Variants in USP8 observed in about 807,000 individuals in gnomAD.
USP8 encodes ubiquitin carboxyl-terminal hydrolase 8.
Under a neutral mutation model 130.0 loss-of-function variants are expected in USP8, and 27 were observed. The ratio of observed to expected loss-of-function variants is 0.21; its 90% confidence interval spans 0.15 to 0.29. The LOEUF (loss-of-function observed/expected upper bound fraction) is 0.29, where lower values mean the gene tolerates loss of function less well. USP8 is among the 10% of genes least tolerant of loss of function. The pLI is 1.00. For missense variants in USP8, 1,029 were observed against 1,312.2 expected, an observed-to-expected ratio of 0.78 and a Z score of 3.33; for synonymous variants, 392 against 444.1, an observed-to-expected ratio of 0.88 and a Z score of 1.48.
Position 50,503,898 on chromosome 15 carries a change from C to T in USP8, c.*4810C>T, listed in dbSNP as rs1445505819. The T allele has an allele frequency of 6.6e-6, 1 of 151,888 alleles. No individual in the cohort carries two copies. Among genetic ancestry groups the T allele is most frequent in the Non-Finnish European group, 1.5e-5 (1 of 67,974 alleles). The allele number at this position is 151,888 out of a possible 1,614,324, so 9.4% of individuals were successfully genotyped here. A position where few individuals can be genotyped will look rare whatever the true frequency, so the allele number is the denominator to read the frequency against. On this transcript the variant is annotated 3_prime_UTR_variant, in exon 20 of 20. Coordinates refer to ENST00000307179, the MANE Select transcript of USP8 (RefSeq NM_005154.5). ...TCAGAAGGCAATAAGATTTAAACCC[C>T]CAAGGACTTTAGATAATAGAATTAT...
intron 3 of USP8, among the ~76,000 whole-genome samples, chr15:50,447,076 G>T (rs1168354850): frequency 1.3e-5 from 2 of 152,156 alleles, no homozygotes; most frequent in Admixed American, 1.3e-4. Flanking sequence ...AGATTATTGA[G>T]CACTGGTATA....
chr15:50,438,906 C>G, intron 1 of USP8, 103 bp from the exon 2 acceptor site: 1 of 494,666 alleles, frequency 2.0e-6, no homozygotes, highest in South Asian at 3.0e-5. Flanking sequence ...TTAAAATTAA[C>G]CCTGTTAGCA....
At chr15:50,493,975 G>A in intron 15 of USP8, 95 bp from the exon 16 acceptor site, 1 of 1,343,476 alleles carries the variant, frequency 7.4e-7, no homozygotes, top group Non-Finnish European at 1.1e-6. Context: ...GCTACAGTAT[G>A]TGAATAATTT....
intron 3 of USP8, among the ~76,000 whole-genome samples, chr15:50,448,237 T>C (rs771349781): frequency 6.9e-4 from 105 of 152,314 alleles, no homozygotes; most frequent in Non-Finnish European, 1.3e-3. Context: ...TTATGATTAT[T>C]ATAATTTGTA....
At chr15:50,497,340 C>A in intron 18 of USP8, 109 bp downstream of exon 18, 2 of 1,341,182 alleles carry the variant, frequency 1.5e-6, no homozygotes, top group South Asian at 1.7e-5. Flanking sequence ...TAACAAAGGG[C>A]GATTATCTGG....
At chr15:50,454,144 G>A (rs937208092) in intron 4 of USP8, among the ~76,000 whole-genome samples, 1 of 152,080 alleles carries the variant, frequency 6.6e-6, no homozygotes, top group Admixed American at 6.6e-5. Context: ...GATCACAGGC[G>A]TGAGCTACCA....
chr15:50,497,246 T>C lies in USP8; in HGVS notation c.3038+15T>C, dbSNP rs1489228482. 6.3e-7 allele frequency: 1 copy of C among 1,593,584 alleles called. No individual in the cohort carries two copies. Among genetic ancestry groups the C allele is most frequent in the Admixed American group, 1.8e-5 (1 of 54,210 alleles). ...CATCTGAAACGGTAAAGGGGAAAGTTTGTCCTCCTGTTCAGTGAAATTAAA... is the reference window on the plus strand; with the variant it reads ...CATCTGAAACGGTAAAGGGGAAAGTCTGTCCTCCTGTTCAGTGAAATTAAA... On this transcript the variant is annotated intron_variant, in intron 18 of 19. Coordinates refer to ENST00000307179, the MANE Select transcript of USP8 (RefSeq NM_005154.5).
intron 1 of USP8, among the ~76,000 whole-genome samples, chr15:50,434,124 G>GTT (rs2050023381): frequency 6.6e-6 from 1 of 150,752 alleles, no homozygotes; most frequent in South Asian, 2.1e-4. Context: ...GTTTTGTTTT[G>GTT]TTTTGTTTTG....
At chr15:50,491,413 T>C (rs894252298) in intron 14 of USP8, among the ~76,000 whole-genome samples, 2 of 152,240 alleles carry the variant, frequency 1.3e-5, no homozygotes, top group Non-Finnish European at 2.9e-5. Flanking sequence ...AATCTTGTTA[T>C]AGATTTTAGA....
chr15:50,473,010 C>G (rs2051432714), intron 8 of USP8, among the ~76,000 whole-genome samples: 1 of 152,052 alleles, frequency 6.6e-6, no homozygotes, highest in Admixed American at 6.6e-5. Flanking sequence ...AGAGCTTCTA[C>G]AAATAAGAAA....
intron 10 of USP8, among the ~76,000 whole-genome samples, chr15:50,479,958 G>T (rs1282141344): frequency 6.6e-6 from 1 of 151,848 alleles, no homozygotes; most frequent in East Asian, 1.9e-4. Context: ...ATGGGGTTTT[G>T]CCATGTTGCC....
At chr15:50,466,958 T>C in intron 7 of USP8, 1 of 465,248 alleles carries the variant, frequency 2.1e-6, no homozygotes, top group Non-Finnish European at 4.0e-6. Flanking sequence ...TTGGTGACGG[T>C]TCTAAGACAT....
rs1228528846 is a variant in USP8, at chr15:50,490,420, C to T, written c.2129C>T (p.Pro710Leu). ...ATTCCTGCTGAGCGGGATAGGGAAC[C>T]TTCCAAACTGAAGCGCTCCTACTCC... Reference protein sequence around the residue: ...PQIPAERDREPSKLKRSYSSP... With the variant: ...PQIPAERDRELSKLKRSYSSP... The change falls in exon 14 of 20, where the codon CCT (proline) becomes CTT (leucine). Residue 710 changes from proline to leucine, a missense_variant. Transcript: ENST00000307179. 1 of 1,614,094 alleles carries T rather than the reference C, an allele frequency of 6.2e-7. No homozygotes were observed.
chr15:50,496,143 T>TATAG, intron 17 of USP8, 59 bp downstream of exon 17: 1 of 1,338,422 alleles, frequency 7.5e-7, no homozygotes, highest in Non-Finnish European at 1.0e-6. Flanking sequence ...TTTTTATGGA[T>TATAG]ATAGAGATGT....
chr15:50,428,411 C>G (rs562325813), intron 1 of USP8, among the ~76,000 whole-genome samples: 1 of 152,192 alleles, frequency 6.6e-6, no homozygotes, highest in Admixed American at 6.5e-5. Context: ...GCTACCACGC[C>G]GGGCCTACAA....
chr15:50,463,562 T>G (rs1379549127), intron 6 of USP8: 1 of 152,210 alleles, frequency 6.6e-6, no homozygotes, highest in Non-Finnish European at 1.5e-5. Flanking sequence ...TGCTATAAGG[T>G]ACTTCCCTAA....
chr15:50,495,495 T>TCTCA (rs2052362667), intron 16 of USP8, among the ~76,000 whole-genome samples: 2 of 139,156 alleles, frequency 1.4e-5, no homozygotes, highest in South Asian at 4.5e-4. Context: ...GAGGGGGGGG[T>TCTCA]CTCACTATGT....
In USP8 at chr15:50,488,752, T is replaced by C. The variant is rs185064669; in HGVS notation, c.1891-1049T>C. On this transcript the variant is annotated intron_variant, in intron 12 of 19. Coordinates refer to ENST00000307179, the MANE Select transcript of USP8 (RefSeq NM_005154.5). The stretch of plus-strand genomic sequence containing the variant: ...GCTAATTTTTGGATTTTTTTTTTTT[T>C]AGTAGAGATGGGGTTTCACCATGTT... Among the ~76,000 whole-genome samples the C allele has an allele frequency of 2.6e-3, 391 of 151,254 alleles. 1 individual carries two copies. Among genetic ancestry groups the C allele is most frequent in the African/African-American group, 9.1e-3 (375 of 41,238 alleles).
intron 3 of USP8, among the ~76,000 whole-genome samples, chr15:50,442,726 A>G (rs1420397865): frequency 6.6e-6 from 1 of 152,172 alleles, no homozygotes; most frequent in African/African-American, 2.4e-5. Flanking sequence ...GCTCCAGCCC[A>G]GGTGGGCGAT....
Sources: allele counts gnomAD v4.1 joint callset (sites outside exome capture counted in the v4.1 genomes callset), GRCh38; gene constraint gnomAD v4.1.1; transcripts MANE v1.5; gene names NCBI Gene and HGNC (gene_info 2026-07-23, HGNC 2026-07-21).